Variants in LOC128706666 observed in about 807,000 individuals in gnomAD.
chr20:10,427,600 ACAGCAGTTTGAATTGT>A, the LOC128706666 span, among the ~76,000 whole-genome samples: 1 of 152,232 alleles, frequency 6.6e-6, no homozygotes, highest in Non-Finnish European at 1.5e-5. Context: ...AATTTTTAAT[ACAGCAGTTTGAATTGT>A]GGCATTTTTT....
the LOC128706666 span, among the ~76,000 whole-genome samples, chr20:10,427,441 C>T: frequency 1.3e-5 from 2 of 152,116 alleles, no homozygotes; most frequent in African/African-American, 4.8e-5. Flanking sequence ...AACCAATTAA[C>T]CCAGCTCTTG....
At chr20:10,418,955 T>A in the LOC128706666 span, among the ~76,000 whole-genome samples, 1 of 152,180 alleles carries the variant, frequency 6.6e-6, no homozygotes, top group African/African-American at 2.4e-5. Flanking sequence ...TCTTTTAAGT[T>A]GTTAAGCTTC....
chr20:10,424,496 T>C, the LOC128706666 span, among the ~76,000 whole-genome samples: 1 of 152,210 alleles, frequency 6.6e-6, no homozygotes, highest in Non-Finnish European at 1.5e-5. Context: ...ACATTGGATG[T>C]ATTCTATTGC....
At chr20:10,422,539 G>C in the LOC128706666 span, among the ~76,000 whole-genome samples, 1 of 152,108 alleles carries the variant, frequency 6.6e-6, no homozygotes, top group African/African-American at 2.4e-5. Flanking sequence ...TTATAGGAGG[G>C]ACAGAGGCTG....
chr20:10,433,642 ACG>A, the LOC128706666 span, among the ~76,000 whole-genome samples: 7 of 152,086 alleles, frequency 4.6e-5, no homozygotes, highest in Admixed American at 4.6e-4. Context: ...GGCTGCTTTC[ACG>A]TAGCTGGCAG....
At chr20:10,433,556 T>C in the LOC128706666 span, among the ~76,000 whole-genome samples, 3 of 152,180 alleles carry the variant, frequency 2.0e-5, no homozygotes, top group South Asian at 6.2e-4. Flanking sequence ...GATTTGGGTA[T>C]GGTCTTATCG....
chr20:10,414,006 T>A, the LOC128706666 span: 2 of 393,642 alleles, frequency 5.1e-6, no homozygotes, highest in East Asian at 7.2e-5. Context: ...AATAATTTAT[T>A]CTAATGCTCT....
the LOC128706666 span, among the ~76,000 whole-genome samples, chr20:10,429,701 G>C: frequency 6.6e-6 from 1 of 152,136 alleles, no homozygotes; most frequent in Non-Finnish European, 1.5e-5. Context: ...CCTGCCATTT[G>C]ACATAAGTGT....
the LOC128706666 span, among the ~76,000 whole-genome samples, chr20:10,421,731 T>TA: frequency 1.7e-3 from 257 of 152,082 alleles, no homozygotes; most frequent in Non-Finnish European, 3.5e-3. Flanking sequence ...ACAAAGAAAC[T>TA]GGGGCTAGAC....
the LOC128706666 span, among the ~76,000 whole-genome samples, chr20:10,419,806 T>G: frequency 1.3e-4 from 20 of 152,222 alleles, no homozygotes; most frequent in Admixed American, 5.2e-4. Flanking sequence ...GATTTCATCA[T>G]GCTACTCAGA....
At chr20:10,421,007 C>A in the LOC128706666 span, among the ~76,000 whole-genome samples, 1 of 152,210 alleles carries the variant, frequency 6.6e-6, no homozygotes, top group Non-Finnish European at 1.5e-5. Flanking sequence ...TGCAAAGGAG[C>A]AACATTACCT....
At chr20:10,431,807 G>C in the LOC128706666 span, 2 of 152,150 alleles carry the variant, frequency 1.3e-5, no homozygotes, top group African/African-American at 4.8e-5. Flanking sequence ...GAAAAGTAGA[G>C]AATCTTGTCC....
the LOC128706666 span, among the ~76,000 whole-genome samples, chr20:10,415,222 G>A: frequency 4.6e-5 from 7 of 152,186 alleles, no homozygotes; most frequent in Admixed American, 3.3e-4. Flanking sequence ...TATATTATTC[G>A]TTAGTATTTC....
At chr20:10,432,388 T>C in the LOC128706666 span, among the ~76,000 whole-genome samples, 6 of 152,330 alleles carry the variant, frequency 3.9e-5, no homozygotes, top group African/African-American at 1.2e-4. Flanking sequence ...TAGGACAATC[T>C]AGAAACATCT....
At chr20:10,425,207 AC>A in the LOC128706666 span, among the ~76,000 whole-genome samples, 1 of 152,234 alleles carries the variant, frequency 6.6e-6, no homozygotes, top group Non-Finnish European at 1.5e-5. Context: ...ATCATGATAC[AC>A]ATGCTGTTTT....
the LOC128706666 span, among the ~76,000 whole-genome samples, chr20:10,414,291 GT>G: frequency 3.0e-4 from 41 of 135,982 alleles, no homozygotes; most frequent in Middle Eastern, 4.0e-3. Context: ...TTGAGATGGA[GT>G]TTCGCTCTTG....
chr20:10,431,583 A>C, the LOC128706666 span: 1 of 151,752 alleles, frequency 6.6e-6, no homozygotes, highest in African/African-American at 2.4e-5. Flanking sequence ...CGCACAAAAA[A>C]CTGCATAAAG....
chr20:10,419,703 G>C, the LOC128706666 span, among the ~76,000 whole-genome samples: 1 of 152,190 alleles, frequency 6.6e-6, no homozygotes, highest in African/African-American at 2.4e-5. Flanking sequence ...CACCACAGTT[G>C]ATCTAACCCA....
At chr20:10,428,578 C>T in the LOC128706666 span, among the ~76,000 whole-genome samples, 2 of 152,206 alleles carry the variant, frequency 1.3e-5, no homozygotes, top group Non-Finnish European at 2.9e-5. Flanking sequence ...GTGGCTCACG[C>T]CTCTAATTCC....
Sources: allele counts gnomAD v4.1 joint callset (sites outside exome capture counted in the v4.1 genomes callset), GRCh38; gene constraint gnomAD v4.1.1; transcripts MANE v1.5.